The following EHBP1 variants were observed in gnomAD, a reference collection of about 807,000 sequenced individuals.
EHBP1 encodes the protein EH domain binding protein 1, also known as EH domain-binding protein 1.
In EHBP1, 55 loss-of-function variants were observed where a neutral mutation model predicts 144.0. The ratio of observed to expected loss-of-function variants is 0.38; its 90% CI spans 0.31 to 0.48. The LOEUF (loss-of-function observed/expected upper bound fraction) is 0.48, where lower values mean the gene tolerates loss of function less well. EHBP1 is among the 20% of genes least tolerant of loss of function. The pLI is 0.98. For synonymous variants in EHBP1, 469 were observed against 472.7 expected (o/e 0.99, Z 0.10); for missense variants, 1,200 against 1,364.2 (o/e 0.88, Z 1.90).
intron 15 of EHBP1, among the ~76,000 whole-genome samples, chr2:62,990,413 A>G (rs2059368675): frequency 6.6e-6 from 1 of 152,322 alleles, no homozygotes; most frequent in Non-Finnish European, 1.5e-5. Context: ...TATGTATAAC[A>G]TACAGTGCTT....
Position 62,763,392 on chromosome 2 carries a change from G to A in EHBP1, c.163-874G>A, listed in dbSNP as rs115028368. Among the ~76,000 whole-genome samples, 835 of 152,202 alleles carry A rather than the reference G, an allele frequency of 5.5e-3. 7 individuals carry two copies. Among genetic ancestry groups the A allele is most frequent in the Non-Finnish European group, 5.9e-3 (402 of 68,010 alleles). ...CAGATAGTATCAATTAAGCAAATGA[G>A]TGAATGAATGAATGAATAATAGAAG... On this transcript the variant is annotated intron_variant, in intron 3 of 22. Transcript: ENST00000431489.
At chr2:62,801,288 C>T (rs531165154) in intron 5 of EHBP1, among the ~76,000 whole-genome samples, 1 of 152,260 alleles carries the variant, frequency 6.6e-6, no homozygotes, top group South Asian at 2.1e-4. Flanking sequence ...GGAGTATAGC[C>T]GTCTGATACA....
intron 2 of EHBP1, 54 bp downstream of exon 2, chr2:62,707,349 G>T: frequency 7.4e-7 from 1 of 1,343,638 alleles, no homozygotes; most frequent in Non-Finnish European, 1.1e-6. Flanking sequence ...GCATACTGTG[G>T]CCTAAACTCT....
At chr2:62,871,460 A>G (rs2050476544) in intron 9 of EHBP1, among the ~76,000 whole-genome samples, 1 of 152,242 alleles carries the variant, frequency 6.6e-6, no homozygotes, top group Admixed American at 6.5e-5. Flanking sequence ...TTGTAGAAAT[A>G]TACACACAAG....
intron 11 of EHBP1, 32 bp from the exon 12 acceptor site, chr2:62,943,770 A>G (rs75746135): frequency 0.13 from 197,943 of 1,511,454 alleles, 14,333 homozygotes; most frequent in Non-Finnish European, 0.15. Flanking sequence ...ATCAAATACT[A>G]TATGTACCCA....
intron 15 of EHBP1, among the ~76,000 whole-genome samples, chr2:62,984,134 T>G (rs1253648953): frequency 6.6e-6 from 1 of 152,194 alleles, no homozygotes; most frequent in Non-Finnish European, 1.5e-5. Context: ...ATTTTAAAAA[T>G]CATAAGTGAG....
intron 7 of EHBP1, among the ~76,000 whole-genome samples, chr2:62,855,987 C>G (rs2049023151): frequency 6.6e-6 from 1 of 152,110 alleles, no homozygotes; most frequent in African/African-American, 2.4e-5. Flanking sequence ...GGTCTCCTCC[C>G]TGCTAGGAGC....
intron 7 of EHBP1, among the ~76,000 whole-genome samples, chr2:62,857,625 T>C (rs561517054): frequency 2.5e-4 from 38 of 152,320 alleles, no homozygotes; most frequent in Non-Finnish European, 4.6e-4. Flanking sequence ...GTTGTAACTT[T>C]GGAAATATCA....
At chr2:63,013,928 C>T (rs1401621583) in intron 19 of EHBP1, among the ~76,000 whole-genome samples, 1 of 152,194 alleles carries the variant, frequency 6.6e-6, no homozygotes, top group African/African-American at 2.4e-5. Flanking sequence ...ACACCTTCAG[C>T]CCCACTCATA....
chr2:62,818,552 C>T (rs1373585397), intron 5 of EHBP1, among the ~76,000 whole-genome samples: 2 of 152,002 alleles, frequency 1.3e-5, no homozygotes, highest in Admixed American at 6.6e-5. Flanking sequence ...TTTCTCAGAA[C>T]GTATCCCTGT....
intron 19 of EHBP1, among the ~76,000 whole-genome samples, chr2:63,009,026 A>AT (rs1321460152): frequency 6.6e-6 from 1 of 151,622 alleles, no homozygotes; most frequent in African/African-American, 2.4e-5. Context: ...CGTGGAATGG[A>AT]CTTTAATGGC....
Position 62,761,503 on chromosome 2 carries a change from C to G in EHBP1, c.163-2763C>G, listed in dbSNP as rs372043159. Among the ~76,000 whole-genome samples, 22 of 152,204 alleles carry G rather than the reference C, an allele frequency of 1.4e-4. No homozygotes were observed. The South Asian group carries it at 2.7e-3, about 19-fold the overall frequency. On this transcript the variant is annotated intron_variant, in intron 3 of 22. Transcript: ENST00000431489. ...AAGATTTGCATGGACCTAAGTTTAC[C>G]TAATCTTGATCCCTTCTCGGTTCCT... is the stretch of plus-strand genomic sequence containing the variant.
chr2:62,708,174 G>C (rs1222765658), intron 2 of EHBP1, among the ~76,000 whole-genome samples: 1 of 151,884 alleles, frequency 6.6e-6, no homozygotes, highest in Non-Finnish European at 1.5e-5. Context: ...CATTTTATTA[G>C]ATTAAAAAAA....
intron 1 of EHBP1, among the ~76,000 whole-genome samples, chr2:62,697,936 T>C (rs1227429307): frequency 6.6e-6 from 1 of 152,246 alleles, no homozygotes; most frequent in Non-Finnish European, 1.5e-5. Flanking sequence ...CCAGGTCCCA[T>C]TATACACGCT....
At chr2:62,830,195 C>T (rs185429494) in intron 6 of EHBP1, among the ~76,000 whole-genome samples, 3,112 of 116,148 alleles carry the variant, frequency 0.027, 35 homozygotes, top group Middle Eastern at 0.038. Context: ...CACACACACA[C>T]ATATATATAC....
chr2:62,775,292 T>C (rs763228583), intron 5 of EHBP1, among the ~76,000 whole-genome samples: 1 of 152,206 alleles, frequency 6.6e-6, no homozygotes, highest in Non-Finnish European at 1.5e-5. Context: ...CTTTTGCTGA[T>C]CATTATGTAG....
intron 2 of EHBP1, among the ~76,000 whole-genome samples, chr2:62,720,944 G>C (rs1002785320): frequency 6.6e-6 from 1 of 152,088 alleles, no homozygotes. Flanking sequence ...ACATCACCCA[G>C]CTTTTTTTGG....
intron 1 of EHBP1, among the ~76,000 whole-genome samples, chr2:62,678,187 A>G (rs1664610917): frequency 1.3e-5 from 2 of 152,226 alleles, no homozygotes; most frequent in South Asian, 4.1e-4. Flanking sequence ...CTGGTGTAAG[A>G]TTATGATATC....
chr2:62,994,203 T>C, intron 18 of EHBP1: 1 of 283,228 alleles, frequency 3.5e-6, no homozygotes, highest in East Asian at 5.9e-5. Flanking sequence ...CCCAGTTTCC[T>C]TGAGACATTT....
Sources: gnomAD v4.1 joint callset for allele counts (sites outside exome capture counted in the v4.1 genomes callset) on GRCh38, gnomAD v4.1.1 for gene constraint, MANE v1.5 for transcripts, NCBI Gene and HGNC (gene_info 2026-07-23, HGNC 2026-07-21) for gene names.